The following DMRT1 variants were observed in gnomAD, a reference collection of about 807,000 sequenced individuals.
DMRT1 encodes the protein doublesex and mab-3 related transcription factor 1.
Under a neutral mutation model 32.3 loss-of-function variants are expected in DMRT1, and 7 were observed. The observed-to-expected ratio is 0.22, with a 90% CI of 0.12 to 0.41. The LOEUF (loss-of-function observed/expected upper bound fraction) is 0.41, where lower values mean the gene tolerates loss of function less well. Among genes scored for constraint, DMRT1 ranks in the 10% least tolerant of loss-of-function variants. The probability of loss-of-function intolerance (pLI) is 1.00; values close to 1 mark genes in which losing one functional copy is unlikely to be tolerated. For missense variants in DMRT1, 625 were observed against 500.5 expected (o/e 1.25, Z -2.37); for synonymous variants, 278 against 206.1 (o/e 1.35, Z -2.99).
chr9:863,633 T>C (rs1815827306), intron 2 of DMRT1, among the ~76,000 whole-genome samples: 3 of 152,100 alleles, frequency 2.0e-5, no homozygotes, highest in East Asian at 1.9e-4. Context: ...CAGAAAGAAA[T>C]GCAGCCCCAC....
chr9:874,321 C>T (rs1419638986), intron 2 of DMRT1, among the ~76,000 whole-genome samples: 5 of 152,140 alleles, frequency 3.3e-5, no homozygotes, highest in East Asian at 1.9e-4. Flanking sequence ...AAAATCATAG[C>T]GCCTTCATCT....
At chr9:923,329 G>A (rs962512256) in intron 4 of DMRT1, among the ~76,000 whole-genome samples, 2 of 152,200 alleles carry the variant, frequency 1.3e-5, no homozygotes, top group African/African-American at 4.8e-5. Flanking sequence ...AAGCGGCCAT[G>A]TGGGGTGGTA....
chr9:858,866 AAAAAATATATATAT>A (rs1358040643), intron 2 of DMRT1, among the ~76,000 whole-genome samples: 3,117 of 23,094 alleles, frequency 0.13, 107 homozygotes, highest in African/African-American at 0.24. Context: ...AAAAAAAAAA[AAAAAATATATATAT>A]ATATATATAT....
intron 4 of DMRT1, among the ~76,000 whole-genome samples, chr9:943,900 C>T (rs1819157815): frequency 6.6e-6 from 1 of 152,130 alleles, no homozygotes. Context: ...ATGTGGTTGG[C>T]TTTTGGGCTT....
At chr9:863,663 G>A (rs569969826) in intron 2 of DMRT1, among the ~76,000 whole-genome samples, 2 of 152,200 alleles carry the variant, frequency 1.3e-5, no homozygotes, top group South Asian at 2.1e-4. Context: ...GACAGAGACT[G>A]GCGTCAGATT....
At position 959,830 on chromosome 9, in the gene DMRT1, C is replaced by T. The variant is rs536301502; in HGVS notation, c.968-8155C>T. On this transcript the variant is annotated intron_variant, in intron 4 of 4. Transcript: ENST00000382276. The stretch of plus-strand genomic sequence containing the variant: ...GGCGTGACCCACCGCATCCAGCCAC[C>T]TTAAACTGGTTTTAGACTTGAGACT... Among the ~76,000 whole-genome samples the T allele has an allele frequency of 2.0e-5, 3 of 152,292 alleles. No homozygotes were observed. In the East Asian group the frequency reaches 5.8e-4, roughly 29 times the overall value.
intron 4 of DMRT1, among the ~76,000 whole-genome samples, chr9:961,892 C>G (rs1415343962): frequency 6.6e-6 from 1 of 152,160 alleles, no homozygotes; most frequent in African/African-American, 2.4e-5. Flanking sequence ...TCTGTTATTA[C>G]CCCCTTTTCA....
At position 929,689 on chromosome 9, in the gene DMRT1, A is replaced by T. The variant is rs572761023; in HGVS notation, c.967+12782A>T. On this transcript the variant is annotated intron_variant, in intron 4 of 4. Coordinates refer to ENST00000382276, the MANE Select transcript of DMRT1 (RefSeq NM_021951.3). ...ATGAAAATGGAAATTTATACTTTTC[A>T]TGCATTTTGTTCCGTTGTCCCCCTG... Among the ~76,000 whole-genome samples the T allele has an allele frequency of 2.0e-5, 3 of 152,250 alleles. No individual in the cohort carries two copies. In the South Asian group the frequency reaches 6.2e-4, roughly 32 times the overall value.
At chr9:957,587 T>C (rs886614852) in intron 4 of DMRT1, among the ~76,000 whole-genome samples, 12 of 152,284 alleles carry the variant, frequency 7.9e-5, no homozygotes, top group African/African-American at 2.9e-4. Flanking sequence ...TAAAATAACA[T>C]GTGCAACTTT....
chr9:868,019 C>A (rs905597003), intron 2 of DMRT1, among the ~76,000 whole-genome samples: 1 of 152,156 alleles, frequency 6.6e-6, no homozygotes, highest in Non-Finnish European at 1.5e-5. Flanking sequence ...TCTCTATCGC[C>A]CAGGCTGGAG....
intron 4 of DMRT1, among the ~76,000 whole-genome samples, chr9:930,977 A>C (rs1051628835): frequency 6.6e-6 from 1 of 152,138 alleles, no homozygotes; most frequent in African/African-American, 2.4e-5. Flanking sequence ...ATTCCAAAAC[A>C]TTTCCATCAT....
intron 4 of DMRT1, among the ~76,000 whole-genome samples, chr9:929,543 T>A (rs1468086380): frequency 6.6e-6 from 1 of 152,084 alleles, no homozygotes. Flanking sequence ...ATATTATTTC[T>A]CCTTCTGCTT....
At chr9:863,995 T>C (rs1390097851) in intron 2 of DMRT1, among the ~76,000 whole-genome samples, 1 of 152,098 alleles carries the variant, frequency 6.6e-6, no homozygotes, top group African/African-American at 2.4e-5. Flanking sequence ...CAGGAAACTA[T>C]ATGAGACTGG....
At chr9:871,405 T>C (rs1405791012) in intron 2 of DMRT1, among the ~76,000 whole-genome samples, 4 of 148,750 alleles carry the variant, frequency 2.7e-5, no homozygotes, top group African/African-American at 1.0e-4. Flanking sequence ...CAATCTCGGC[T>C]CACTGCAAGC....
chr9:893,687 AC>A (rs1817237796), intron 2 of DMRT1, among the ~76,000 whole-genome samples: 1 of 152,194 alleles, frequency 6.6e-6, no homozygotes, highest in African/African-American at 2.4e-5. Context: ...TGGTTTTGAT[AC>A]TCTCAGTAAA....
At chr9:920,165 G>A (rs1000382908) in intron 4 of DMRT1, among the ~76,000 whole-genome samples, 3 of 152,132 alleles carry the variant, frequency 2.0e-5, no homozygotes, top group Non-Finnish European at 2.9e-5. Context: ...TATCTCTACT[G>A]GAGATGAAGA....
At chr9:924,616 G>A (rs926159711) in intron 4 of DMRT1, among the ~76,000 whole-genome samples, 3 of 152,184 alleles carry the variant, frequency 2.0e-5, no homozygotes, top group Non-Finnish European at 2.9e-5. Context: ...AAGCGTATGT[G>A]TATCATGATT....
chr9:936,102 A>G (rs1228890223), intron 4 of DMRT1, among the ~76,000 whole-genome samples: 2 of 152,184 alleles, frequency 1.3e-5, no homozygotes, highest in Non-Finnish European at 2.9e-5. Context: ...TGTCCCAGTC[A>G]TTTCTATGAG....
At position 968,347 on chromosome 9, in the gene DMRT1, A is replaced by G. The variant is rs1418790763; in HGVS notation, c.*208A>G. 3 of 573,068 alleles carry G rather than the reference A, an allele frequency of 5.2e-6. No homozygotes were observed. In the African/African-American group the frequency reaches 5.6e-5, roughly 11 times the overall value. The allele number at this position is 573,068 out of a possible 1,614,324, so 35.5% of individuals were successfully genotyped here. A position where few individuals can be genotyped will look rare whatever the true frequency, so the allele number is the denominator to read the frequency against. ...ACCATCTGCATGGTTTAAGTGCTTT[A>G]CTCACGGAGTTTAAATAATAGTGTT... On this transcript the variant is annotated 3_prime_UTR_variant, in exon 5 of 5. Transcript: ENST00000382276.
Sources: allele counts gnomAD v4.1 joint callset (sites outside exome capture counted in the v4.1 genomes callset), GRCh38; gene constraint gnomAD v4.1.1; transcripts MANE v1.5; gene names NCBI Gene and HGNC (gene_info 2026-07-23, HGNC 2026-07-21).